Variants in ZDHHC20 observed in about 807,000 individuals in gnomAD.
ZDHHC20 encodes zDHHC palmitoyltransferase 20.
A neutral mutation model predicts 57.8 loss-of-function variants in ZDHHC20; 43 were observed. The ratio of observed to expected loss-of-function variants is 0.74; its 90% CI spans 0.58 to 0.96. ZDHHC20 has a LOEUF of 0.96. ZDHHC20 is among the 40% of genes least tolerant of loss of function. The pLI, the probability that ZDHHC20 is intolerant of heterozygous loss-of-function variation, is 0.00. For missense variants in ZDHHC20, 391 were observed against 441.1 expected (o/e 0.89, Z 1.02); for synonymous variants, 157 against 153.0 (o/e 1.03, Z -0.19).
chr13:21,436,587 G>A (rs192652517), intron 1 of ZDHHC20, among the ~76,000 whole-genome samples: 2 of 152,234 alleles, frequency 1.3e-5, no homozygotes, highest in East Asian at 1.9e-4. Context: ...ATCCATATAC[G>A]ATGGAAAACT....
chr13:21,393,698 A>AC (rs1371029371), intron 7 of ZDHHC20, among the ~76,000 whole-genome samples: 2 of 99,404 alleles, frequency 2.0e-5, no homozygotes, highest in East Asian at 2.6e-4. Context: ...AGCAAGTCTC[A>AC]CAAAAAAAAA....
At chr13:21,442,190 T>C (rs1883246301) in intron 1 of ZDHHC20, among the ~76,000 whole-genome samples, 1 of 152,228 alleles carries the variant, frequency 6.6e-6, no homozygotes. Context: ...GATGGTGAAT[T>C]ATAATAATGA....
In ZDHHC20 at chr13:21,448,418, G is replaced by A. The variant is rs1884064259; in HGVS notation, c.118+10636C>T. On this transcript the variant is annotated intron_variant, in intron 1 of 12. Coordinates refer to ENST00000400590, the MANE Select transcript of ZDHHC20 (RefSeq NM_001330059.2). Reference sequence around the variant, plus strand: ...GCCGCCCCGTCCGGGAGGGAGGTGGGGGGGTCAGCCCCCCGCCCGGCCAGC... The same window carrying A: ...GCCGCCCCGTCCGGGAGGGAGGTGGAGGGGTCAGCCCCCCGCCCGGCCAGC... Among the ~76,000 whole-genome samples the A allele has an allele frequency of 1.6e-4, 19 of 116,324 alleles. 1 individual carries two copies. Among genetic ancestry groups the A allele is most frequent in the Admixed American group, 1.6e-3 (19 of 12,098 alleles). The allele number at this position is 116,324 out of a possible 152,430, so 76.3% of individuals were successfully genotyped here.
At chr13:21,407,195 C>G (rs1006899996) in intron 4 of ZDHHC20, among the ~76,000 whole-genome samples, 2 of 151,972 alleles carry the variant, frequency 1.3e-5, no homozygotes, top group South Asian at 2.1e-4. Context: ...GGGGTTTCAC[C>G]ATGTTGGTCA....
chr13:21,387,741 A>G (rs1874831163), intron 8 of ZDHHC20, 107 bp from the exon 9 acceptor site: 1 of 590,000 alleles, frequency 1.7e-6, no homozygotes, highest in Non-Finnish European at 2.5e-6. Flanking sequence ...AAAACTGTAA[A>G]TATAATTTAA....
At chr13:21,392,842 T>C (rs1875993162) in intron 7 of ZDHHC20, among the ~76,000 whole-genome samples, 1 of 152,242 alleles carries the variant, frequency 6.6e-6, no homozygotes, top group Admixed American at 6.5e-5. Flanking sequence ...ATGTTTCAAA[T>C]GTTTCAAACA....
At chr13:21,406,404 T>C (rs1878446935) in intron 4 of ZDHHC20, among the ~76,000 whole-genome samples, 1 of 152,230 alleles carries the variant, frequency 6.6e-6, no homozygotes, top group Non-Finnish European at 1.5e-5. Context: ...TTTATTATTA[T>C]ACTTTGTTAT....
Position 21,376,614 on chromosome 13 carries a change from A to C in ZDHHC20, c.*82T>G, listed in dbSNP as rs1225497231. On this transcript the variant is annotated 3_prime_UTR_variant, in exon 13 of 13. Transcript: ENST00000400590. Reference sequence around the variant, plus strand: ...TTCATTCCACTGATCATTTTCTTGCAAATGAAAATTGAAAATACCAGTCTA... The same window carrying C: ...TTCATTCCACTGATCATTTTCTTGCCAATGAAAATTGAAAATACCAGTCTA... 1 of 1,381,250 alleles carries C rather than the reference A, an allele frequency of 7.2e-7. No individual in the cohort carries two copies. The highest frequency in any genetic ancestry group is 9.7e-7 in the Non-Finnish European group (1 of 1,027,974). 85.6% of individuals were successfully genotyped at this position (1,381,250 alleles called of 1,614,324 possible).
At chr13:21,435,228 T>TTTTG (rs548529557) in intron 1 of ZDHHC20, among the ~76,000 whole-genome samples, 1 of 152,202 alleles carries the variant, frequency 6.6e-6, no homozygotes, top group Non-Finnish European at 1.5e-5. Flanking sequence ...CTGCTTACTT[T>TTTTG]TTTGTTTGTT....
chr13:21,459,118 C>T lies in ZDHHC20; in HGVS notation c.54G>A (p.Pro18=), dbSNP rs1419705961. 1 of 1,607,540 alleles carries T rather than the reference C, an allele frequency of 6.2e-7. No individual in the cohort carries two copies. The highest frequency in any genetic ancestry group is 2.2e-5 in the East Asian group (1 of 44,460). The part of the protein sequence containing the change: ...RCCQRVVGWV[P]VLFITFVVVW... ...CGACCACGAAGGTGATGAAGAGCAC[C>T]GGCACCCAGCCCACGACGCGCTGGC... is the stretch of plus-strand genomic sequence containing the variant. The change falls in exon 1 of 13, where the codon CCG becomes CCA. Residue 18 remains proline, a synonymous_variant. Coordinates refer to ENST00000400590, the MANE Select transcript of ZDHHC20 (RefSeq NM_001330059.2).
chr13:21,428,748 T>C (rs1340204169), intron 1 of ZDHHC20, among the ~76,000 whole-genome samples: 5 of 151,774 alleles, frequency 3.3e-5, no homozygotes, highest in Admixed American at 2.0e-4. Context: ...TAGTCCCAGC[T>C]ACTCAGGAGG....
At chr13:21,429,749 G>C (rs1386117603) in intron 1 of ZDHHC20, among the ~76,000 whole-genome samples, 1 of 152,088 alleles carries the variant, frequency 6.6e-6, no homozygotes, top group Non-Finnish European at 1.5e-5. Flanking sequence ...TTTAAAAATA[G>C]TCCCACAAGT....
At chr13:21,422,697 T>C (rs1259458141) in intron 2 of ZDHHC20, among the ~76,000 whole-genome samples, 1 of 152,356 alleles carries the variant, frequency 6.6e-6, no homozygotes, top group South Asian at 2.1e-4. Context: ...GCATACTTCA[T>C]AAATTGTTGC....
At chr13:21,391,628 AC>A in intron 8 of ZDHHC20, 93 bp downstream of exon 8, 1 of 1,333,256 alleles carries the variant, frequency 7.5e-7, no homozygotes, top group South Asian at 1.5e-5. Context: ...ATTGTCTTAC[AC>A]TTCTGTATCA....
intron 8 of ZDHHC20, chr13:21,390,289 C>T (rs1875436758): frequency 1.3e-5 from 2 of 152,156 alleles, no homozygotes; most frequent in African/African-American, 4.8e-5. Context: ...GTTATGTTAG[C>T]AGATACATGA....
chr13:21,417,385 C>A (rs1212295105), intron 3 of ZDHHC20, among the ~76,000 whole-genome samples: 2 of 152,058 alleles, frequency 1.3e-5, no homozygotes, highest in Non-Finnish European at 1.5e-5. Flanking sequence ...AGAAAAGACA[C>A]CCCACCCGTA....
chr13:21,395,344 G>GCA (rs1876590169), intron 7 of ZDHHC20, among the ~76,000 whole-genome samples: 1 of 151,806 alleles, frequency 6.6e-6, no homozygotes, highest in Non-Finnish European at 1.5e-5. Context: ...GGGATTACAG[G>GCA]TGTAAGCCAC....
Position 21,404,338 on chromosome 13 carries a change from G to A in ZDHHC20, c.371-1472C>T, listed in dbSNP as rs1407765201. The A allele has an allele frequency of 6.0e-6, 3 of 499,844 alleles. No individual in the cohort carries two copies. The Admixed American group carries it at 6.1e-5, about 10-fold the overall frequency. 31.0% of individuals were successfully genotyped at this position (499,844 alleles called of 1,614,324 possible). ...CTCCTTTCTATTTTGTAGACTGCAT[G>A]AGGCCTAGTTCATAAATCATTAATG... On this transcript the variant is annotated intron_variant, in intron 4 of 12. Coordinates refer to ENST00000400590, the MANE Select transcript of ZDHHC20 (RefSeq NM_001330059.2).
intron 11 of ZDHHC20, 79 bp downstream of exon 11, chr13:21,381,350 ATTATT>A (rs1873371798): frequency 9.1e-7 from 1 of 1,094,030 alleles, no homozygotes; most frequent in Non-Finnish European, 1.3e-6. Context: ...AAAATGTTAC[ATTATT>A]TTGATTTTTC....
Sources: allele counts gnomAD v4.1 joint callset (sites outside exome capture counted in the v4.1 genomes callset), GRCh38; gene constraint gnomAD v4.1.1; transcripts MANE v1.5; gene names NCBI Gene and HGNC (gene_info 2026-07-23, HGNC 2026-07-21).